POLK: variants seen among roughly 807,000 people sequenced by gnomAD.
POLK encodes polymerase (DNA directed) kappa.
Under a neutral mutation model 94.0 loss-of-function variants are expected in POLK, and 76 were observed. The ratio of observed to expected loss-of-function variants is 0.81; its 90% CI spans 0.67 to 0.98. The LOEUF is 0.98. Among genes scored for constraint, POLK ranks in the 50% least tolerant of loss-of-function variants. The pLI is 0.00. For missense variants in POLK, 954 were observed against 1,010.1 expected (o/e 0.94, Z 0.75); for synonymous variants, 349 against 325.4 (o/e 1.07, Z -0.78).
In POLK at chr5:75,573,077, G is replaced by A. The variant is rs1030771267; in HGVS notation, c.409-661G>A. Among the ~76,000 whole-genome samples, 11 of 151,958 alleles carry A rather than the reference G, an allele frequency of 7.2e-5. No homozygotes were observed. The South Asian group carries it at 8.3e-4, about 11-fold the overall frequency. ...ACACATGCACACATATGTTTATTGC[G>A]GCACTATTCACAATAGCAAAGACTT... On this transcript the variant is annotated intron_variant, in intron 4 of 14. Coordinates refer to ENST00000241436, the Ensembl canonical transcript of POLK.
intron 1 of POLK, among the ~76,000 whole-genome samples, chr5:75,543,506 C>T (rs1326156044): frequency 2.6e-5 from 4 of 152,096 alleles, no homozygotes; most frequent in African/African-American, 9.7e-5. Context: ...GAGTTGCCCT[C>T]AATGGATACC....
At chr5:75,517,768 G>C (rs1205977971) in intron 1 of POLK, among the ~76,000 whole-genome samples, 1 of 152,194 alleles carries the variant, frequency 6.6e-6, no homozygotes, top group Non-Finnish European at 1.5e-5. Context: ...GATGTTAGCT[G>C]TGGTTTTATC....
chr5:75,559,319 T>A (rs900027383), intron 3 of POLK, among the ~76,000 whole-genome samples: 2 of 152,128 alleles, frequency 1.3e-5, no homozygotes, highest in African/African-American at 4.8e-5. Context: ...CCTCTCTAAG[T>A]ATACTCCACC....
rs188993529 is a variant in POLK, at chr5:75,528,390, G to A, written c.-14+16476G>A. The stretch of plus-strand genomic sequence containing the variant: ...AAGTATCCCAAAATATTATATTAAT[G>A]ATCATTCTCTCTGGATTTGTTGCAT... On this transcript the variant is annotated intron_variant, in intron 1 of 14. Transcript: ENST00000241436. Among the ~76,000 whole-genome samples the A allele has an allele frequency of 3.0e-3, 455 of 152,080 alleles. 3 individuals are homozygous for A. The highest frequency in any genetic ancestry group is 9.9e-3 in the African/African-American group (410 of 41,510).
At chr5:75,601,183 G>T (rs1422489492), downstream of POLK, 3 of 152,046 alleles carry the variant, frequency 2.0e-5, no homozygotes, top group Non-Finnish European at 4.4e-5. Context: ...CTCCAACTCT[G>T]CAGGCTAGCT....
Position 75,528,908 on chromosome 5 carries a change from C to T in POLK, c.-14+16994C>T, listed in dbSNP as rs373400152. Among the ~76,000 whole-genome samples, 11 of 152,228 alleles carry T rather than the reference C, an allele frequency of 7.2e-5. No homozygotes were observed. In the East Asian group the frequency reaches 2.1e-3, roughly 29 times the overall value. On this transcript the variant is annotated intron_variant, in intron 1 of 14. Coordinates refer to ENST00000241436, the Ensembl canonical transcript of POLK. The stretch of plus-strand genomic sequence containing the variant: ...AGTGAATACAATTATCCCTTGGTAT[C>T]CATGGGGGATTGGCTCCCAGACCTC...
At chr5:75,566,467 G>C (rs920390869) in intron 3 of POLK, among the ~76,000 whole-genome samples, 1 of 152,202 alleles carries the variant, frequency 6.6e-6, no homozygotes, top group Non-Finnish European at 1.5e-5. Context: ...GCCCAGTTTT[G>C]TGCTTGAAAC....
At chr5:75,543,000 C>T (rs965730000) in intron 1 of POLK, among the ~76,000 whole-genome samples, 47 of 141,770 alleles carry the variant, frequency 3.3e-4, no homozygotes, top group African/African-American at 4.5e-4. Flanking sequence ...TGTGAGCCAC[C>T]GCGCCCAGCC....
At chr5:75,530,626 G>A (rs987071208) in intron 1 of POLK, among the ~76,000 whole-genome samples, 9 of 151,132 alleles carry the variant, frequency 6.0e-5, no homozygotes, top group African/African-American at 2.2e-4. Context: ...AATACTATAA[G>A]AGCCAAATGT....
At chr5:75,536,830 G>C (rs1769468228) in intron 1 of POLK, among the ~76,000 whole-genome samples, 1 of 152,170 alleles carries the variant, frequency 6.6e-6, no homozygotes, top group Admixed American at 6.5e-5. Context: ...CAGATGTGGA[G>C]CTGCTGGGCT....
intron 12 of POLK, among the ~76,000 whole-genome samples, chr5:75,595,376 A>G (rs1408297953): frequency 6.6e-6 from 1 of 152,102 alleles, no homozygotes; most frequent in Admixed American, 6.6e-5. Context: ...ACTGTGGTAC[A>G]TACAGACAGT....
exon 13 of POLK, chr5:75,596,679 A>G (rs781768166): frequency 1.9e-6 from 3 of 1,614,032 alleles, no homozygotes; most frequent in Non-Finnish European, 2.5e-6. Context: ...TCTCGTGTTC[A>G]CATGTTTCTG....
exon 13 of POLK, chr5:75,597,143 C>T: frequency 6.2e-7 from 1 of 1,606,390 alleles, no homozygotes. Context: ...AAATTTAACC[C>T]AGTTAATCAA....
chr5:75,567,875 C>A (rs765728675), intron 3 of POLK, among the ~76,000 whole-genome samples: 19 of 152,206 alleles, frequency 1.2e-4, no homozygotes, highest in Non-Finnish European at 2.5e-4. Context: ...GTAGCCTAAA[C>A]AAGGGGAAGC....
chr5:75,594,723 A>T (rs1031596954), intron 12 of POLK, among the ~76,000 whole-genome samples: 1 of 152,246 alleles, frequency 6.6e-6, no homozygotes, highest in African/African-American at 2.4e-5. Context: ...TACAATTTTC[A>T]GAACTTTTTG....
At chr5:75,540,938 G>T (rs982735629) in intron 1 of POLK, among the ~76,000 whole-genome samples, 1 of 152,040 alleles carries the variant, frequency 6.6e-6, no homozygotes, top group African/African-American at 2.4e-5. Context: ...CATTGTTAAA[G>T]AACCTGGAAG....
At chr5:75,511,455 G>A, upstream of POLK, 1 of 1,532,076 alleles carries the variant, frequency 6.5e-7, no homozygotes, top group Admixed American at 2.0e-5. Context: ...CGCCGCCGCC[G>A]TCGCCGTGAC....
chr5:75,601,192 C>T (rs908057882), downstream of POLK: 21 of 152,256 alleles, frequency 1.4e-4, no homozygotes, highest in African/African-American at 4.8e-4. Context: ...TGCAGGCTAG[C>T]TAATTTCAAT....
At chr5:75,538,276 T>G (rs564156500) in intron 1 of POLK, among the ~76,000 whole-genome samples, 2 of 152,354 alleles carry the variant, frequency 1.3e-5, no homozygotes, top group African/African-American at 4.8e-5. Flanking sequence ...TTTTAAAGTC[T>G]TCTTAAAATA....
Sources: gnomAD v4.1 joint callset for allele counts (sites outside exome capture counted in the v4.1 genomes callset) on GRCh38, gnomAD v4.1.1 for gene constraint, MANE v1.5 for transcripts, NCBI Gene and HGNC (gene_info 2026-07-23, HGNC 2026-07-21) for gene names.